The following NAALADL2 variants were observed in gnomAD, a reference collection of about 807,000 sequenced individuals.
The protein encoded by NAALADL2 is inactive N-acetylated-alpha-linked acidic dipeptidase-like protein 2.
Under a neutral mutation model 87.2 loss-of-function variants are expected in NAALADL2, and 76 were observed. The observed-to-expected ratio is 0.87, with a 90% CI of 0.72 to 1.05. The LOEUF (loss-of-function observed/expected upper bound fraction) is 1.05. Among genes scored for constraint, NAALADL2 ranks in the 50% least tolerant of loss-of-function variants. NAALADL2 has a pLI of 0.00. For missense variants in NAALADL2, 1,089 were observed against 945.8 expected (o/e 1.15, Z -1.99); for synonymous variants, 354 against 331.0 (o/e 1.07, Z -0.75).
chr3:175,504,477 G>A (rs1190280482), intron 9 of NAALADL2, among the ~76,000 whole-genome samples: 1 of 151,986 alleles, frequency 6.6e-6, no homozygotes, highest in Non-Finnish European at 1.5e-5. Flanking sequence ...ATGAAATGAT[G>A]TCATCAGGGT....
At chr3:175,300,423 C>T (rs1045287553) in intron 4 of NAALADL2, among the ~76,000 whole-genome samples, 3 of 151,850 alleles carry the variant, frequency 2.0e-5, no homozygotes, top group South Asian at 4.2e-4. Flanking sequence ...TGGTCTTGGG[C>T]TTTTTTTTGG....
At chr3:175,762,179 G>A (rs967624085) in intron 13 of NAALADL2, among the ~76,000 whole-genome samples, 1 of 122,334 alleles carries the variant, frequency 8.2e-6, no homozygotes, top group East Asian at 2.5e-4. Flanking sequence ...AAAAGGATAA[G>A]GTCTGTGTTT....
intron 4 of NAALADL2, among the ~76,000 whole-genome samples, chr3:175,300,441 G>A (rs1756910072): frequency 6.6e-6 from 1 of 151,782 alleles, no homozygotes; most frequent in South Asian, 2.1e-4. Flanking sequence ...TGGTTTGTAG[G>A]ATAATTACTG....
At chr3:174,794,562 C>T (rs1019159835) in intron 3 of NAALADL2, among the ~76,000 whole-genome samples, 4 of 152,114 alleles carry the variant, frequency 2.6e-5, no homozygotes, top group African/African-American at 4.8e-5. Flanking sequence ...TGCAGGATAT[C>T]TTTTTCTTAT....
intron 2 of NAALADL2, among the ~76,000 whole-genome samples, chr3:175,118,834 G>A (rs937099649): frequency 1.3e-5 from 2 of 151,560 alleles, no homozygotes; most frequent in African/African-American, 2.4e-5. Context: ...GATTATTTCT[G>A]GGGCTTCTTA....
rs58465181 is a variant in NAALADL2 at position 174,521,571 on chromosome 3, CAAAAAAAAAAAA to C, written c.-183-28984_-183-28973del. ...TGGGCGACAGGGCTAGACCCTGTCTCAAAAAAAAAAAAAAAAAAAAAAAAAGAAAAGAAAAGA... is the reference window on the plus strand; with the variant it reads ...TGGGCGACAGGGCTAGACCCTGTCTCAAAAAAAAAAAAAGAAAAGAAAAGA... On this transcript the variant is annotated intron_variant, in intron 1 of 3. Coordinates refer to the NAALADL2 transcript ENST00000434257. Among the ~76,000 whole-genome samples the C allele has an allele frequency of 1.3e-3, 73 of 56,202 alleles. 1 individual carries two copies. Among genetic ancestry groups the C allele is most frequent in the South Asian group, 2.8e-3 (3 of 1,088 alleles). The allele number at this position is 56,202 out of a possible 152,430, so 36.9% of individuals were successfully genotyped here. A position where few individuals can be genotyped will look rare whatever the true frequency, so the allele number is the denominator to read the frequency against.
At chr3:174,962,082 T>C (rs190017755) in intron 1 of NAALADL2, among the ~76,000 whole-genome samples, 3 of 152,016 alleles carry the variant, frequency 2.0e-5, no homozygotes, top group East Asian at 2.0e-4. Flanking sequence ...GGATAATTCA[T>C]TGTGTGGGAA....
chr3:175,717,249 G>A (rs953649712), intron 11 of NAALADL2, among the ~76,000 whole-genome samples: 2 of 152,124 alleles, frequency 1.3e-5, no homozygotes, highest in African/African-American at 4.8e-5. Flanking sequence ...TTATCCTTTT[G>A]AGGCAGGGCT....
intron 1 of NAALADL2, among the ~76,000 whole-genome samples, chr3:174,974,867 T>C (rs1355660383): frequency 6.6e-6 from 1 of 152,170 alleles, no homozygotes; most frequent in African/African-American, 2.4e-5. Flanking sequence ...GTGATTTTTA[T>C]GATGTGGTTA....
chr3:175,268,830 T>G (rs1752366574), intron 4 of NAALADL2, among the ~76,000 whole-genome samples: 1 of 152,116 alleles, frequency 6.6e-6, no homozygotes, highest in African/African-American at 2.4e-5. Context: ...CACTGGAAGT[T>G]TTTCAGGGAC....
At chr3:175,333,193 A>G (rs1029494400) in intron 5 of NAALADL2, among the ~76,000 whole-genome samples, 2 of 152,010 alleles carry the variant, frequency 1.3e-5, no homozygotes, top group Admixed American at 1.3e-4. Context: ...TGGCCTGCAG[A>G]TGTTGTGTAC....
Position 175,542,843 on chromosome 3 carries a change from T to G in NAALADL2, c.1654-33198T>G, listed in dbSNP as rs532535641. Among the ~76,000 whole-genome samples the G allele has an allele frequency of 1.1e-4, 16 of 152,350 alleles. 1 individual carries two copies. Among genetic ancestry groups the G allele is most frequent in the Admixed American group, 7.8e-4 (12 of 15,294 alleles). ...AGCCAATTCAATTCACTTGTGACCT[T>G]GAAGTGCCTTCAAATGCCTTATTCT... is the stretch of plus-strand genomic sequence containing the variant. On this transcript the variant is annotated intron_variant, in intron 9 of 13. Coordinates refer to ENST00000454872, the MANE Select transcript of NAALADL2 (RefSeq NM_207015.3).
intron 5 of NAALADL2, among the ~76,000 whole-genome samples, chr3:175,385,992 C>T (rs944206663): frequency 1.3e-4 from 20 of 151,926 alleles, no homozygotes; most frequent in African/African-American, 4.1e-4. Context: ...GATAAATAGT[C>T]GATAGCCTGT....
intron 13 of NAALADL2, among the ~76,000 whole-genome samples, chr3:175,772,466 C>T (rs1356253876): frequency 6.6e-6 from 1 of 152,146 alleles, no homozygotes; most frequent in Non-Finnish European, 1.5e-5. Context: ...GCTTTCTTTT[C>T]CTGTCATTGT....
chr3:175,471,485 AAAAG>A (rs1180686622), intron 8 of NAALADL2, among the ~76,000 whole-genome samples, 150 bp from the exon 9 acceptor site: 19 of 113,798 alleles, frequency 1.7e-4, no homozygotes, highest in East Asian at 2.9e-4. Flanking sequence ...AAAAAAAAAA[AAAAG>A]AAAGAAAGAA....
At chr3:174,794,235 T>C (rs1717806272) in intron 3 of NAALADL2, among the ~76,000 whole-genome samples, 1 of 152,138 alleles carries the variant, frequency 6.6e-6, no homozygotes, top group Non-Finnish European at 1.5e-5. Context: ...CCCAATGTGA[T>C]TGCTCTAGTA....
chr3:175,802,761 T>C (rs1207418407), intron 13 of NAALADL2, among the ~76,000 whole-genome samples: 1 of 152,042 alleles, frequency 6.6e-6, no homozygotes, highest in African/African-American at 2.4e-5. Context: ...CGTAGTGTTG[T>C]GTACTTCCAT....
intron 11 of NAALADL2, among the ~76,000 whole-genome samples, chr3:175,697,572 G>C (rs1473672847): frequency 2.0e-5 from 3 of 151,748 alleles, no homozygotes; most frequent in African/African-American, 7.3e-5. Flanking sequence ...AGTTGAGTTA[G>C]AGTTATGGGA....
intron 1 of NAALADL2, among the ~76,000 whole-genome samples, chr3:174,873,756 A>C (rs1169026197): frequency 6.6e-6 from 1 of 151,792 alleles, no homozygotes; most frequent in Non-Finnish European, 1.5e-5. Context: ...ACCCCACTTC[A>C]TTCTCACAAC....
Sources: gnomAD v4.1 joint callset for allele counts (sites outside exome capture counted in the v4.1 genomes callset) on GRCh38, gnomAD v4.1.1 for gene constraint, MANE v1.5 for transcripts, NCBI Gene and HGNC (gene_info 2026-07-23, HGNC 2026-07-21) for gene names.